Variants in SYT16 observed in about 807,000 individuals in gnomAD.
SYT16 encodes synaptotagmin 16.
In SYT16, 42 loss-of-function variants were observed where a neutral mutation model predicts 61.4. That is an observed-to-expected ratio of 0.68 (90% CI 0.53 to 0.89). The LOEUF is 0.89. Ranked by LOEUF, SYT16 falls within the 40% of genes least tolerant of loss-of-function variation. SYT16 has a pLI of 0.00. For synonymous variants in SYT16, 314 were observed against 302.3 expected (o/e 1.04, Z -0.40); for missense variants, 804 against 807.3 (o/e 1.00, Z 0.05).
Position 62,001,466 on chromosome 14 carries a change from AT to A in SYT16, c.523+4925del, listed in dbSNP as rs1206141910. On this transcript the variant is annotated intron_variant, in intron 3 of 7. Transcript: ENST00000683842. Reference sequence around the variant, plus strand: ...ACTTTCATTTATTTTTCTGCATGTAATATGTGTTTCTTTCACTTGGAGCTTT... The same window carrying A: ...ACTTTCATTTATTTTTCTGCATGTAAATGTGTTTCTTTCACTTGGAGCTTT... 2.0e-5 allele frequency among the ~76,000 whole-genome samples: 3 copies of A among 152,112 alleles called. No individual in the cohort carries two copies. In the East Asian group the frequency reaches 5.8e-4, roughly 29 times the overall value.
In SYT16 at chr14:62,111,776, G is replaced by A. The variant is rs917205363; in HGVS notation, c.*11069G>A. 1.3e-5 allele frequency: 2 copies of A among 152,078 alleles called. No individual in the cohort carries two copies. The highest frequency in any genetic ancestry group is 6.5e-5 in the Admixed American group (1 of 15,270). 9.4% of individuals were successfully genotyped at this position (152,078 alleles called of 1,614,324 possible). A position where few individuals can be genotyped will look rare whatever the true frequency, so the allele number is the denominator to read the frequency against. On this transcript the variant is annotated 3_prime_UTR_variant, in exon 8 of 8. Transcript: ENST00000683842. ...GTGGTCCAGAGGTTCAAGAGAGAGA[G>A]AGAAAAAATTTCTCCTCAAAAGAAT... is the stretch of plus-strand genomic sequence containing the variant.
At position 61,856,270 on chromosome 14, in the gene SYT16, G is replaced by A. The variant is rs374943366; in HGVS notation, c.-325+43460G>A. ...GGATTGCTCTGGCTGCTGCTTTGAC[G>A]GTCAACTAAAGATGGGTGACAGTGG... On this transcript the variant is annotated intron_variant, in intron 1 of 7. Coordinates refer to ENST00000683842, the MANE Select transcript of SYT16 (RefSeq NM_001367656.1). Among the ~76,000 whole-genome samples, 127 of 152,234 alleles carry A rather than the reference G, an allele frequency of 8.3e-4. 4 individuals are homozygous for A. The South Asian group carries it at 0.025, about 30-fold the overall frequency.
chr14:61,943,589 A>C (rs2050297511), intron 1 of SYT16, among the ~76,000 whole-genome samples: 1 of 152,232 alleles, frequency 6.6e-6, no homozygotes, highest in South Asian at 2.1e-4. Context: ...TATGCAAATC[A>C]ATAAACATAA....
intron 1 of SYT16, among the ~76,000 whole-genome samples, chr14:61,847,832 C>T (rs1447781643): frequency 6.6e-6 from 1 of 152,108 alleles, no homozygotes; most frequent in Non-Finnish European, 1.5e-5. Context: ...ATTAATTCTG[C>T]TGTTAAGAGA....
chr14:61,971,684 C>T (rs1179451747), intron 2 of SYT16, among the ~76,000 whole-genome samples: 1 of 152,164 alleles, frequency 6.6e-6, no homozygotes, highest in African/African-American at 2.4e-5. Context: ...AAAGAGTGTG[C>T]AGATATATTT....
In SYT16 at chr14:62,111,492, T is replaced by G. The variant is rs1324296478; in HGVS notation, c.*10785T>G. ...TGTGCTAGACTGTGCTGAGTTTTGG[T>G]GGTTGTCAAAGGCAGTCAGTAATTT... is the stretch of plus-strand genomic sequence containing the variant. On this transcript the variant is annotated 3_prime_UTR_variant, in exon 8 of 8. Transcript: ENST00000683842. The G allele has an allele frequency of 6.6e-6, 1 of 152,112 alleles. No homozygotes were observed. Among genetic ancestry groups the G allele is most frequent in the Non-Finnish European group, 1.5e-5 (1 of 67,956 alleles). 9.4% of individuals were successfully genotyped at this position (152,112 alleles called of 1,614,324 possible).
chr14:61,949,884 A>C (rs919356045), intron 1 of SYT16, among the ~76,000 whole-genome samples: 1 of 152,200 alleles, frequency 6.6e-6, no homozygotes, highest in African/African-American at 2.4e-5. Context: ...ATAGCTTGCT[A>C]TGAAATCAGG....
intron 1 of SYT16, among the ~76,000 whole-genome samples, chr14:61,851,136 C>A (rs1280355959): frequency 5.3e-5 from 8 of 152,114 alleles, no homozygotes; most frequent in African/African-American, 1.9e-4. Flanking sequence ...ATTCAACTCC[C>A]ACTTACAAGT....
At chr14:61,874,085 G>T (rs2047412467) in intron 1 of SYT16, among the ~76,000 whole-genome samples, 1 of 152,176 alleles carries the variant, frequency 6.6e-6, no homozygotes, top group Non-Finnish European at 1.5e-5. Context: ...GAATTTGGGG[G>T]TAAGAGCTGC....
intron 1 of SYT16, among the ~76,000 whole-genome samples, chr14:61,939,114 A>T (rs144625030): frequency 2.0e-5 from 3 of 152,204 alleles, no homozygotes; most frequent in Non-Finnish European, 2.9e-5. Flanking sequence ...CAGCCTGGGC[A>T]ACAGAGTGAG....
chr14:61,993,520 T>C (rs2052643561), intron 2 of SYT16, among the ~76,000 whole-genome samples: 1 of 152,158 alleles, frequency 6.6e-6, no homozygotes, highest in South Asian at 2.1e-4. Context: ...AAACATGTCA[T>C]TTCTGGCTTA....
intron 1 of SYT16, among the ~76,000 whole-genome samples, chr14:61,901,741 T>TATAATAATAATAATAATA (rs369412092): frequency 3.4e-5 from 5 of 147,572 alleles, no homozygotes; most frequent in African/African-American, 1.3e-4. Context: ...TTCATCTGCT[T>TATAATAATAATAATAATA]ATAATAATAA....
chr14:62,037,607 T>G (rs1164517092), intron 3 of SYT16, among the ~76,000 whole-genome samples: 1 of 152,238 alleles, frequency 6.6e-6, no homozygotes, highest in Non-Finnish European at 1.5e-5. Context: ...TCTGTTAGTT[T>G]GAATAATCAT....
At chr14:62,039,473 TATGTGTGAGGACGCA>T (rs1221540816) in intron 3 of SYT16, among the ~76,000 whole-genome samples, 2 of 152,168 alleles carry the variant, frequency 1.3e-5, no homozygotes, top group African/African-American at 2.4e-5. Flanking sequence ...TAGCATTAGC[TATGTGTGAGGACGCA>T]AGGACATGCA....
intron 7 of SYT16, among the ~76,000 whole-genome samples, chr14:62,097,620 G>A (rs1199563560): frequency 6.6e-6 from 1 of 152,164 alleles, no homozygotes; most frequent in South Asian, 2.1e-4. Context: ...CTAGAACAAT[G>A]AACATTTTCC....
Position 62,102,936 on chromosome 14 carries a change from A to G in SYT16, c.*2229A>G, listed in dbSNP as rs1233616924. 1 of 152,162 alleles carries G rather than the reference A, an allele frequency of 6.6e-6. No homozygotes were observed. Among genetic ancestry groups the G allele is most frequent in the Non-Finnish European group, 1.5e-5 (1 of 68,042 alleles). 9.4% of individuals were successfully genotyped at this position (152,162 alleles called of 1,614,324 possible). ...CAATGGTCTGTTTATGATACAGTTT[A>G]CAGGAATGCGCACCATTTTAAGGGA... On this transcript the variant is annotated 3_prime_UTR_variant, in exon 8 of 8. Coordinates refer to ENST00000683842, the MANE Select transcript of SYT16 (RefSeq NM_001367656.1).
chr14:62,058,231 T>C (rs911589191), intron 3 of SYT16, among the ~76,000 whole-genome samples: 4 of 152,308 alleles, frequency 2.6e-5, no homozygotes, highest in African/African-American at 7.2e-5. Context: ...ATGAAGCTTC[T>C]ATGAACATTT....
At chr14:61,871,429 C>T (rs145364145) in intron 1 of SYT16, among the ~76,000 whole-genome samples, 1 of 152,262 alleles carries the variant, frequency 6.6e-6, no homozygotes, top group Admixed American at 6.5e-5. Context: ...GTCACTGTGG[C>T]TTCCCCAAAC....
At chr14:61,905,500 A>G (rs186370195) in intron 1 of SYT16, among the ~76,000 whole-genome samples, 12 of 152,356 alleles carry the variant, frequency 7.9e-5, no homozygotes, top group Admixed American at 6.5e-4. Flanking sequence ...ATCTGGGACC[A>G]TCTGACTGAG....
Sources: allele counts gnomAD v4.1 joint callset (sites outside exome capture counted in the v4.1 genomes callset), GRCh38; gene constraint gnomAD v4.1.1; transcripts MANE v1.5; gene names NCBI Gene and HGNC (gene_info 2026-07-23, HGNC 2026-07-21).